EFR3B: variants seen among roughly 807,000 people sequenced by gnomAD.
The protein encoded by EFR3B is EFR3 homolog B, also known as protein EFR3 homolog B.
In EFR3B, 64 loss-of-function variants were observed where a neutral mutation model predicts 104.7. The ratio of observed to expected loss-of-function variants is 0.61; its 90% CI spans 0.50 to 0.75. The LOEUF is 0.75. EFR3B is among the 30% of genes least tolerant of loss of function. The pLI is 0.00. For missense variants in EFR3B, 750 were observed against 1,078.5 expected (o/e 0.70, Z 4.27); for synonymous variants, 385 against 417.9 (o/e 0.92, Z 0.96).
At position 25,131,628 on chromosome 2, in the gene EFR3B, AG is replaced by A; in HGVS notation, c.986-121del. 2 of 1,495,132 alleles carry A rather than the reference AG, an allele frequency of 1.3e-6. No homozygotes were observed. Among genetic ancestry groups the A allele is most frequent in the Non-Finnish European group, 1.8e-6 (2 of 1,116,096 alleles). The allele number at this position is 1,495,132 out of a possible 1,614,324, so 92.6% of individuals were successfully genotyped here. A position where few individuals can be genotyped will look rare whatever the true frequency, so the allele number is the denominator to read the frequency against. On this transcript the variant is annotated intron_variant, in intron 9 of 22. Coordinates refer to ENST00000403714, the MANE Select transcript of EFR3B (RefSeq NM_014971.2). The surrounding 1 kb of genome is among the most constrained non-coding windows in gnomAD (Gnocchi z 7.6). ...TTTCCTCGGGAGAAGTCCGCCAGGA[AG>A]TTGGGAGCGCAGAGGAAGCCCAGGC...
In EFR3B at chr2:25,145,000, C is replaced by T; in HGVS notation, c.2091C>T (p.Thr697=). The T allele has an allele frequency of 6.4e-7, 1 of 1,551,736 alleles. No homozygotes were observed. The change falls in exon 19 of 23, where the codon ACC becomes ACT. Residue 697 remains threonine (T), a synonymous_variant. Transcript: ENST00000403714. The stretch of plus-strand genomic sequence containing the variant: ...CCAAGAGGAGGAGCATTGGAGAGAC[C>T]ATCTCCCTGCAGGTGGAGGTAGAAT... ...RLSKRRSIGE[T]ISLQVEVESR...
intron 1 of EFR3B, among the ~76,000 whole-genome samples, chr2:25,086,568 C>T (rs1026947463): frequency 3.3e-5 from 5 of 152,108 alleles, no homozygotes; most frequent in African/African-American, 1.2e-4. Context: ...TCCTTTGCTG[C>T]GATGTCTATT....
At chr2:25,059,447 A>G (rs1335096330) in intron 1 of EFR3B, among the ~76,000 whole-genome samples, 1 of 151,964 alleles carries the variant, frequency 6.6e-6, no homozygotes, top group Non-Finnish European at 1.5e-5. Context: ...AACCTTGAGG[A>G]TATTATGGTA....
chr2:25,143,896 C>T (rs1386152859), intron 18 of EFR3B, 34 bp downstream of exon 18: 2 of 1,545,874 alleles, frequency 1.3e-6, no homozygotes, highest in Non-Finnish European at 1.7e-6. Context: ...CCGGGCCTGC[C>T]TCTGTCTTTA....
intron 1 of EFR3B, among the ~76,000 whole-genome samples, chr2:25,090,703 C>T (rs191104753): frequency 2.0e-5 from 3 of 152,240 alleles, no homozygotes; most frequent in East Asian, 1.9e-4. Flanking sequence ...AAATGTGAAT[C>T]GTTGATGATG....
chr2:25,155,632 G>C lies in EFR3B; in HGVS notation c.*1292G>C, dbSNP rs1235451571. On this transcript the variant is annotated 3_prime_UTR_variant, in exon 23 of 23. Transcript: ENST00000403714. ...CGGCCCCTCCTCCAGGTGCCTTTGTGTCTCCCGGGGTGCCACTGACAGAAC... is the reference window on the plus strand; with the variant it reads ...CGGCCCCTCCTCCAGGTGCCTTTGTCTCTCCCGGGGTGCCACTGACAGAAC... 1 of 152,196 alleles carries C rather than the reference G, an allele frequency of 6.6e-6. No individual in the cohort carries two copies. Among genetic ancestry groups the C allele is most frequent in the Non-Finnish European group, 1.5e-5 (1 of 68,078 alleles). 9.4% of individuals were successfully genotyped at this position (152,196 alleles called of 1,614,324 possible). A position where few individuals can be genotyped will look rare whatever the true frequency, so the allele number is the denominator to read the frequency against.
chr2:25,131,952 C>T lies in EFR3B; in HGVS notation c.1147+41C>T. ...GGGCCGGGGCGGGGCGGGGCCGAGG[C>T]GCGGAGTGGGGAGGGGAGGGGAGGG... is the stretch of plus-strand genomic sequence containing the variant. On this transcript the variant is annotated intron_variant, in intron 10 of 22. Coordinates refer to ENST00000403714, the MANE Select transcript of EFR3B (RefSeq NM_014971.2). The surrounding 1 kb of genome is among the most constrained non-coding windows in gnomAD (Gnocchi z 7.6). 2 of 232,880 alleles carry T rather than the reference C, an allele frequency of 8.6e-6. No individual in the cohort carries two copies. The highest frequency in any genetic ancestry group is 1.3e-5 in the Non-Finnish European group (2 of 148,306). The allele number at this position is 232,880 out of a possible 1,614,324, so 14.4% of individuals were successfully genotyped here. A position where few individuals can be genotyped will look rare whatever the true frequency, so the allele number is the denominator to read the frequency against.
chr2:25,055,215 A>G (rs1667985680), intron 1 of EFR3B, among the ~76,000 whole-genome samples: 1 of 152,248 alleles, frequency 6.6e-6, no homozygotes, highest in South Asian at 2.1e-4. Context: ...ATGTGACATT[A>G]AAACACCACT....
intron 1 of EFR3B, among the ~76,000 whole-genome samples, chr2:25,049,987 A>G (rs192615221): frequency 6.6e-4 from 99 of 150,716 alleles, no homozygotes; most frequent in Admixed American, 8.6e-4. Flanking sequence ...AAAATTAGCC[A>G]GGGGTGGTGG....
chr2:25,140,312 TAAAATA>T, intron 16 of EFR3B, among the ~76,000 whole-genome samples: 1 of 151,792 alleles, frequency 6.6e-6, no homozygotes. Flanking sequence ...GTCTCAAAAA[TAAAATA>T]AAATGAAATA....
At chr2:25,128,465 C>T (rs1670227606) in intron 6 of EFR3B, 133 bp downstream of exon 6, 10 of 1,193,942 alleles carry the variant, frequency 8.4e-6, no homozygotes, top group Non-Finnish European at 1.1e-5. Context: ...GCTTGTTCTG[C>T]AGTGAGTCCA....
chr2:25,088,070 T>A (rs967505024), intron 1 of EFR3B, among the ~76,000 whole-genome samples: 19 of 151,304 alleles, frequency 1.3e-4, no homozygotes, highest in African/African-American at 4.6e-4. Context: ...CTGCCTTGAT[T>A]GCTGAAGCTT....
intron 1 of EFR3B, among the ~76,000 whole-genome samples, chr2:25,045,783 CAAAA>C (rs11379149): frequency 7.2e-6 from 1 of 138,602 alleles, no homozygotes; most frequent in Non-Finnish European, 1.6e-5. Context: ...GACTCCATCT[CAAAA>C]AAAAAAAAAA....
intron 1 of EFR3B, among the ~76,000 whole-genome samples, chr2:25,047,291 A>G (rs758183329): frequency 4.7e-4 from 71 of 151,988 alleles, no homozygotes; most frequent in Non-Finnish European, 1.0e-3. Flanking sequence ...TTCAAGGAGC[A>G]CCAAGAACCC....
chr2:25,137,312 C>T lies in EFR3B; in HGVS notation c.1561-29C>T. On this transcript the variant is annotated intron_variant, in intron 14 of 22. Transcript: ENST00000403714. The surrounding 1 kb of genome is among the most constrained non-coding windows in gnomAD (Gnocchi z 4.7). The stretch of plus-strand genomic sequence containing the variant: ...CCCCTCCTGTCCCCATCCCTCCGAC[C>T]CTGGCCTTCTGCCCGCTCCTGTCCC... The T allele has an allele frequency of 1.9e-6, 3 of 1,551,600 alleles. No homozygotes were observed. The highest frequency in any genetic ancestry group is 2.6e-6 in the Non-Finnish European group (3 of 1,146,730).
chr2:25,140,645 A>T (rs1006532475), intron 16 of EFR3B, among the ~76,000 whole-genome samples: 1 of 152,182 alleles, frequency 6.6e-6, no homozygotes, highest in African/African-American at 2.4e-5. Flanking sequence ...AAAGCTCAAG[A>T]TGTCACTGTC....
Position 25,154,124 on chromosome 2 carries a change from T to C in EFR3B, c.2349-111T>C. 3 of 905,918 alleles carry C rather than the reference T, an allele frequency of 3.3e-6. No homozygotes were observed. 56.1% of individuals were successfully genotyped at this position (905,918 alleles called of 1,614,324 possible). On this transcript the variant is annotated intron_variant, in intron 22 of 22. Coordinates refer to ENST00000403714, the MANE Select transcript of EFR3B (RefSeq NM_014971.2). This position sits in a 1 kb window ranked among gnomAD's most constrained non-coding sequence, Gnocchi z 4.1. ...GGAACCTGTGGAATGAAGGGGTCTCTGGTGCCTGTGCAAAAAGAAACCCAA... is the reference window on the plus strand; with the variant it reads ...GGAACCTGTGGAATGAAGGGGTCTCCGGTGCCTGTGCAAAAAGAAACCCAA...
chr2:25,090,213 C>T (rs1252397448), intron 1 of EFR3B, among the ~76,000 whole-genome samples: 3 of 152,170 alleles, frequency 2.0e-5, no homozygotes, highest in Admixed American at 6.5e-5. Flanking sequence ...GCTTACTGGG[C>T]GGGAGGGAGG....
intron 4 of EFR3B, among the ~76,000 whole-genome samples, chr2:25,109,003 C>CA: frequency 6.7e-6 from 1 of 149,898 alleles, no homozygotes; most frequent in East Asian, 1.9e-4. Flanking sequence ...AAGACTGTCT[C>CA]AAAAAAAATA....
Sources: gnomAD v4.1 joint callset for allele counts (sites outside exome capture counted in the v4.1 genomes callset) on GRCh38, gnomAD v4.1.1 for gene constraint, Gnocchi (gnomAD v3.1) non-coding constraint, MANE v1.5 for transcripts, NCBI Gene and HGNC (gene_info 2026-07-23, HGNC 2026-07-21) for gene names.